Variants in PAK4 observed in about 807,000 individuals in gnomAD.
PAK4 encodes the protein p21 (RAC1) activated kinase 4.
A neutral mutation model predicts 53.5 loss-of-function variants in PAK4; 49 were observed. The ratio of observed to expected loss-of-function variants is 0.92; its 90% CI spans 0.73 to 1.16. The LOEUF is 1.16. PAK4 is among the 50% of genes most tolerant of loss of function. PAK4 has a pLI of 0.00. For synonymous variants in PAK4, 376 were observed against 375.6 expected, an observed-to-expected ratio of 1.00 and a Z score of -0.01; for missense variants, 824 against 850.7, an observed-to-expected ratio of 0.97 and a Z score of 0.39.
chr19:39,174,403 C>T (rs936715491), intron 4 of PAK4, among the ~76,000 whole-genome samples: 1 of 151,832 alleles, frequency 6.6e-6, no homozygotes, highest in African/African-American at 2.4e-5. Context: ...CCCACACAAC[C>T]ACCAAGAGTA....
chr19:39,172,506 A>G (rs1568525807), intron 2 of PAK4, among the ~76,000 whole-genome samples: 2 of 152,166 alleles, frequency 1.3e-5, no homozygotes, highest in East Asian at 3.9e-4. Context: ...TGGCGCCCAC[A>G]TGGGAGGAAG....
chr19:39,137,798 C>T (rs2073842793), intron 1 of PAK4, among the ~76,000 whole-genome samples: 1 of 151,718 alleles, frequency 6.6e-6, no homozygotes, highest in Non-Finnish European at 1.5e-5. Flanking sequence ...TCCGGAGTAG[C>T]TGGGACTACA....
At chr19:39,158,165 ATGTT>A (rs1257745014) in intron 1 of PAK4, among the ~76,000 whole-genome samples, 3 of 147,180 alleles carry the variant, frequency 2.0e-5, no homozygotes, top group Non-Finnish European at 4.5e-5. Flanking sequence ...ACATGTGTGC[ATGTT>A]TGTGAGTGTG....
In PAK4 at chr19:39,178,399, C is replaced by A; in HGVS notation, c.1621-25C>A. The A allele has an allele frequency of 6.4e-7, 1 of 1,564,780 alleles. No homozygotes were observed. The highest frequency in any genetic ancestry group is 1.4e-5 in the African/African-American group (1 of 73,636). ...AATGAACAGTGGGGAGCCTCGCCCC[C>A]TGACCCTCCCCTCCTTCTCGACAGG... On this transcript the variant is annotated intron_variant, in intron 8 of 8. Transcript: ENST00000358301. The surrounding 1 kb of genome is among the most constrained non-coding windows in gnomAD (Gnocchi z 4.4).
At chr19:39,136,572 C>A (rs953843498) in intron 1 of PAK4, 1 of 152,332 alleles carries the variant, frequency 6.6e-6, no homozygotes, top group Non-Finnish European at 1.5e-5. Flanking sequence ...CCCTCTAGCA[C>A]CTTCCCCCGG....
intron 1 of PAK4, among the ~76,000 whole-genome samples, chr19:39,162,841 C>T (rs921918810): frequency 2.6e-5 from 4 of 152,008 alleles, no homozygotes; most frequent in Non-Finnish European, 5.9e-5. Context: ...TGGGTGTGAT[C>T]GGGTCACTTG....
chr19:39,177,820 C>G lies in PAK4; in HGVS notation c.1620+11C>G. On this transcript the variant is annotated intron_variant, in intron 8 of 8. Transcript: ENST00000358301. ...AAGAACCTGCACAAGGTAGGCCCCT[C>G]CCTGGCTGGGAAACTGTGCGCCAGC... 3.8e-6 allele frequency: 6 copies of G among 1,599,814 alleles called. No individual in the cohort carries two copies. Among genetic ancestry groups the G allele is most frequent in the Non-Finnish European group, 5.1e-6 (6 of 1,172,240 alleles).
At chr19:39,158,498 T>C (rs1450761612) in intron 1 of PAK4, among the ~76,000 whole-genome samples, 1 of 152,184 alleles carries the variant, frequency 6.6e-6, no homozygotes, top group Non-Finnish European at 1.5e-5. Flanking sequence ...CTGCTCTGAT[T>C]TCCCAGGCCG....
At chr19:39,170,209 AG>A (rs750145237) in intron 2 of PAK4, among the ~76,000 whole-genome samples, 7 of 152,166 alleles carry the variant, frequency 4.6e-5, no homozygotes, top group Non-Finnish European at 7.3e-5. Flanking sequence ...GACACAGACC[AG>A]GGGTCCAGGC....
At chr19:39,140,569 A>G (rs1349939071) in intron 1 of PAK4, among the ~76,000 whole-genome samples, 1 of 152,234 alleles carries the variant, frequency 6.6e-6, no homozygotes, top group East Asian at 1.9e-4. Context: ...TTTAATTGCA[A>G]CAAAGGTTTG....
At chr19:39,172,133 C>T (rs1236071439) in intron 2 of PAK4, among the ~76,000 whole-genome samples, 1 of 151,774 alleles carries the variant, frequency 6.6e-6, no homozygotes, top group Non-Finnish European at 1.5e-5. Flanking sequence ...TGAGCAAAGA[C>T]CTGAAGGAGT....
chr19:39,147,053 C>T (rs532373867), intron 1 of PAK4, among the ~76,000 whole-genome samples: 2 of 26,510 alleles, frequency 7.5e-5, no homozygotes, highest in African/African-American at 2.3e-4. Context: ...GACATTGACA[C>T]TGTCATTGTC....
chr19:39,145,773 A>G (rs1443900402), intron 1 of PAK4, among the ~76,000 whole-genome samples: 2 of 152,056 alleles, frequency 1.3e-5, no homozygotes, highest in Non-Finnish European at 2.9e-5. Flanking sequence ...TTCTCTTCCC[A>G]TACTGCCCTC....
At chr19:39,152,281 T>A (rs181061512) in intron 1 of PAK4, 9 of 152,198 alleles carry the variant, frequency 5.9e-5, no homozygotes, top group African/African-American at 2.2e-4. Context: ...GGGACGTGAA[T>A]CACCTTTCTT....
intron 1 of PAK4, among the ~76,000 whole-genome samples, chr19:39,126,243 A>C (rs918088715): frequency 6.6e-6 from 1 of 152,056 alleles, no homozygotes; most frequent in Non-Finnish European, 1.5e-5. Flanking sequence ...CGAGGGTCAG[A>C]GGTCACAGCC....
intron 1 of PAK4, among the ~76,000 whole-genome samples, chr19:39,147,072 A>G (rs879879917): frequency 0.61 from 91,563 of 150,608 alleles, 28,049 homozygotes; most frequent in East Asian, 0.82. Context: ...TCAATTGACA[A>G]TTGTCATTGT....
chr19:39,181,334 A>G (rs1291229239), downstream of PAK4: 1 of 152,274 alleles, frequency 6.6e-6, no homozygotes, highest in East Asian at 1.9e-4. Flanking sequence ...GCCTCCTGCC[A>G]GAGCCAGTCA....
downstream of PAK4, chr19:39,181,298 G>A (rs1480609846): frequency 6.6e-6 from 1 of 152,268 alleles, no homozygotes; most frequent in Non-Finnish European, 1.5e-5. Flanking sequence ...AAAGCTGCCC[G>A]AGGCCCCGTT....
chr19:39,157,695 T>C (rs1319925177), intron 1 of PAK4, among the ~76,000 whole-genome samples: 2 of 152,366 alleles, frequency 1.3e-5, no homozygotes, highest in Non-Finnish European at 2.9e-5. Flanking sequence ...GCCACCAGCC[T>C]CCTGAGCCCA....
Sources: allele counts gnomAD v4.1 joint callset (sites outside exome capture counted in the v4.1 genomes callset), GRCh38; gene constraint gnomAD v4.1.1; non-coding constraint Gnocchi (gnomAD v3.1); transcripts MANE v1.5; gene names NCBI Gene and HGNC (gene_info 2026-07-23, HGNC 2026-07-21).